Variants in ANKS1B observed in about 807,000 individuals in gnomAD.
The protein encoded by ANKS1B is ankyrin repeat and sterile alpha motif domain containing 1B.
Under a neutral mutation model 148.3 loss-of-function variants are expected in ANKS1B, and 36 were observed. The observed-to-expected ratio is 0.24, with a 90% CI of 0.19 to 0.32. The LOEUF (loss-of-function observed/expected upper bound fraction) is 0.32, where lower values mean the gene tolerates loss of function less well. Ranked by LOEUF, ANKS1B falls within the 10% of genes least tolerant of loss-of-function variation. The pLI is 1.00. For missense variants in ANKS1B, 1,157 were observed against 1,542.6 expected (o/e 0.75, Z 4.19); for synonymous variants, 542 against 560.8 (o/e 0.97, Z 0.47).
Position 98,920,821 on chromosome 12 carries a change from T to C in ANKS1B, c.2779-88685A>G, listed in dbSNP as rs187585169. On this transcript the variant is annotated intron_variant, in intron 17 of 26. Transcript: ENST00000683438. ...TCCTTAGAGTTTTATCTTTAAATCA[T>C]TGATCTCAATGGATATCTTATACCT... Among the ~76,000 whole-genome samples, 312 of 152,348 alleles carry C rather than the reference T, an allele frequency of 2.0e-3. 3 individuals are homozygous for C. Among genetic ancestry groups the C allele is most frequent in the African/African-American group, 7.2e-3 (298 of 41,586 alleles).
intron 12 of ANKS1B, among the ~76,000 whole-genome samples, chr12:99,379,098 C>A (rs1017282127): frequency 2.0e-5 from 3 of 152,146 alleles, no homozygotes; most frequent in African/African-American, 2.4e-5. Context: ...GACTCAACTG[C>A]AAAAGGACCT....
intron 2 of ANKS1B, among the ~76,000 whole-genome samples, chr12:99,823,345 A>G (rs377460237): frequency 1.3e-5 from 2 of 152,174 alleles, no homozygotes; most frequent in East Asian, 3.9e-4. Context: ...TGAGACAGTC[A>G]CCCAGGCTGG....
intron 15 of ANKS1B, among the ~76,000 whole-genome samples, chr12:99,150,691 T>C (rs899584686): frequency 1.3e-5 from 2 of 152,088 alleles, no homozygotes; most frequent in African/African-American, 2.4e-5. Flanking sequence ...ATGCACATTT[T>C]GTATAGTAAT....
At chr12:99,391,980 G>A (rs147649804) in intron 12 of ANKS1B, among the ~76,000 whole-genome samples, 352 of 152,346 alleles carry the variant, frequency 2.3e-3, no homozygotes, top group Non-Finnish European at 4.1e-3. Context: ...TCTATTGAAA[G>A]TACTGAACTT....
chr12:99,584,840 G>T (rs1398784353), intron 9 of ANKS1B, among the ~76,000 whole-genome samples: 2 of 151,976 alleles, frequency 1.3e-5, no homozygotes, highest in Admixed American at 1.3e-4. Context: ...CATGAGAATG[G>T]CACAGGAAAA....
chr12:99,078,135 A>G (rs1325330732), intron 16 of ANKS1B, among the ~76,000 whole-genome samples: 1 of 152,106 alleles, frequency 6.6e-6, no homozygotes, highest in Non-Finnish European at 1.5e-5. Flanking sequence ...CTCTGCCCAC[A>G]CCATTTTGAG....
chr12:98,940,890 C>G (rs2099835606), intron 17 of ANKS1B, among the ~76,000 whole-genome samples: 1 of 152,074 alleles, frequency 6.6e-6, no homozygotes, highest in African/African-American at 2.4e-5. Context: ...GAAAAATTCT[C>G]AGAATGTAAG....
rs2094457700 is a variant in ANKS1B, at chr12:99,403,368, G to T, written c.1576-3557C>A. On this transcript the variant is annotated intron_variant, in intron 11 of 26. Transcript: ENST00000683438. ...GACGGGGTTTTGCCGTGTTGGTCAG[G>T]CTGGTCTTGAACTCCTGGCCTCAAG... is the stretch of plus-strand genomic sequence containing the variant. Among the ~76,000 whole-genome samples, 3 of 143,026 alleles carry T rather than the reference G, an allele frequency of 2.1e-5. No homozygotes were observed. In the South Asian group the frequency reaches 6.4e-4, roughly 30 times the overall value. 93.8% of individuals were successfully genotyped at this position (143,026 alleles called of 152,430 possible).
intron 8 of ANKS1B, among the ~76,000 whole-genome samples, chr12:99,674,792 TTAACC>T (rs2098554582): frequency 6.6e-6 from 1 of 151,746 alleles, no homozygotes; most frequent in Admixed American, 6.6e-5. Context: ...ATTAAAAAAA[TTAACC>T]CCTGTATTTG....
intron 12 of ANKS1B, among the ~76,000 whole-genome samples, chr12:99,365,847 A>C (rs994616905): frequency 6.6e-6 from 1 of 152,180 alleles, no homozygotes; most frequent in Non-Finnish European, 1.5e-5. Flanking sequence ...TTGATTACAA[A>C]GGAGAAGAAA....
intron 25 of ANKS1B, among the ~76,000 whole-genome samples, chr12:98,763,727 G>A (rs1393296748): frequency 1.3e-5 from 2 of 152,232 alleles, no homozygotes; most frequent in Non-Finnish European, 2.9e-5. Context: ...TACTTTATGA[G>A]TCTAAAATCA....
chr12:99,827,327 T>G (rs1054152800), intron 1 of ANKS1B, among the ~76,000 whole-genome samples: 3 of 151,490 alleles, frequency 2.0e-5, no homozygotes, highest in African/African-American at 7.3e-5. Context: ...CCTGAAAATA[T>G]ACGGAATCTG....
chr12:98,814,308 A>G (rs1168000626), intron 19 of ANKS1B, among the ~76,000 whole-genome samples: 1 of 152,254 alleles, frequency 6.6e-6, no homozygotes, highest in Non-Finnish European at 1.5e-5. Flanking sequence ...TAGGGCTTGG[A>G]ACACAGAAGG....
At chr12:99,189,609 T>C (rs1033071159) in intron 14 of ANKS1B, among the ~76,000 whole-genome samples, 1 of 152,182 alleles carries the variant, frequency 6.6e-6, no homozygotes, top group African/African-American at 2.4e-5. Context: ...ATTGTCTTAA[T>C]AGATGCAGAA....
intron 11 of ANKS1B, among the ~76,000 whole-genome samples, chr12:99,410,018 C>T (rs2152663994): frequency 6.6e-6 from 1 of 152,316 alleles, no homozygotes; most frequent in South Asian, 2.1e-4. Flanking sequence ...TGCTTCTATA[C>T]ATATTTACTT....
At chr12:99,706,764 A>G (rs1054314814) in intron 8 of ANKS1B, 3 of 152,066 alleles carry the variant, frequency 2.0e-5, no homozygotes, top group African/African-American at 7.2e-5. Context: ...AAGCTACCAT[A>G]TGGAAAGGCC....
chr12:99,484,875 C>A (rs376277654), intron 10 of ANKS1B, among the ~76,000 whole-genome samples: 1 of 150,344 alleles, frequency 6.7e-6, no homozygotes, highest in African/African-American at 2.4e-5. Flanking sequence ...TCTTTTTCCA[C>A]CCTTTTGCCC....
intron 9 of ANKS1B, among the ~76,000 whole-genome samples, chr12:99,626,386 C>T (rs116478829): frequency 1.2e-3 from 183 of 152,256 alleles, no homozygotes; most frequent in African/African-American, 4.1e-3. Context: ...TGACAAATTG[C>T]TCAAGTTCCC....
chr12:99,251,402 T>C (rs981795119), intron 12 of ANKS1B, among the ~76,000 whole-genome samples: 1 of 152,238 alleles, frequency 6.6e-6, no homozygotes, highest in East Asian at 1.9e-4. Context: ...AAAAGTATAC[T>C]TTGGAAAGAA....
Sources: allele counts gnomAD v4.1 joint callset (sites outside exome capture counted in the v4.1 genomes callset), GRCh38; gene constraint gnomAD v4.1.1; transcripts MANE v1.5; gene names NCBI Gene and HGNC (gene_info 2026-07-23, HGNC 2026-07-21).